The following UNC5C variants were observed in gnomAD, a reference collection of about 807,000 sequenced individuals.
UNC5C encodes the protein netrin receptor UNC5C.
Under a neutral mutation model 99.8 loss-of-function variants are expected in UNC5C, and 47 were observed. The ratio of observed to expected loss-of-function variants is 0.47; its 90% CI spans 0.37 to 0.60. UNC5C has a LOEUF of 0.60. Ranked by LOEUF, UNC5C falls within the 20% of genes least tolerant of loss-of-function variation. The pLI is 0.00. For missense variants in UNC5C, 1,062 were observed against 1,165.9 expected (o/e 0.91, Z 1.30); for synonymous variants, 487 against 452.2 (o/e 1.08, Z -0.98).
At chr4:95,358,528 C>T (rs1272007478) in intron 1 of UNC5C, among the ~76,000 whole-genome samples, 1 of 152,080 alleles carries the variant, frequency 6.6e-6, no homozygotes, top group Non-Finnish European at 1.5e-5. Context: ...CCTCTCCTGC[C>T]CTTAGAAATC....
chr4:95,466,837 C>T (rs1250662258), intron 1 of UNC5C, among the ~76,000 whole-genome samples: 5 of 152,104 alleles, frequency 3.3e-5, no homozygotes, highest in African/African-American at 7.2e-5. Flanking sequence ...TTTGATACGA[C>T]GTCATTTAGC....
intron 1 of UNC5C, among the ~76,000 whole-genome samples, chr4:95,535,251 T>A (rs17024152): frequency 0.67 from 102,248 of 151,794 alleles, 34,750 homozygotes; most frequent in Middle Eastern, 0.79. Flanking sequence ...GTACAAAAAA[T>A]AATGTGATTT....
At chr4:95,194,447 C>T (rs1188274264) in intron 12 of UNC5C, among the ~76,000 whole-genome samples, 2 of 152,150 alleles carry the variant, frequency 1.3e-5, no homozygotes, top group Non-Finnish European at 2.9e-5. Context: ...ACACAGTTCT[C>T]GTTGAGTTAA....
At chr4:95,313,509 T>C (rs1330615704) in intron 2 of UNC5C, among the ~76,000 whole-genome samples, 1 of 152,168 alleles carries the variant, frequency 6.6e-6, no homozygotes, top group Non-Finnish European at 1.5e-5. Flanking sequence ...ATATCCTTAT[T>C]GACCCTCTAA....
chr4:95,246,703 A>G (rs1739514288), intron 5 of UNC5C, among the ~76,000 whole-genome samples: 1 of 151,894 alleles, frequency 6.6e-6, no homozygotes, highest in African/African-American at 2.4e-5. Context: ...TTTAAATTAT[A>G]AAAGATGTAT....
At position 95,325,162 on chromosome 4, in the gene UNC5C, C is replaced by T. The variant is rs556184869; in HGVS notation, c.346+10248G>A. Among the ~76,000 whole-genome samples the T allele has an allele frequency of 9.1e-4, 138 of 152,116 alleles. 1 individual carries two copies. The highest frequency in any genetic ancestry group is 3.2e-3 in the African/African-American group (132 of 41,490). On this transcript the variant is annotated intron_variant, in intron 2 of 15. Coordinates refer to ENST00000453304, the MANE Select transcript of UNC5C (RefSeq NM_003728.4). ...CAAAGCTAGAAAGTTTGATTAGGAG[C>T]CAATTATACTGAAGACTGAAGATAA...
intron 1 of UNC5C, among the ~76,000 whole-genome samples, chr4:95,536,663 T>C (rs2149494529): frequency 6.6e-6 from 1 of 152,204 alleles, no homozygotes; most frequent in African/African-American, 2.4e-5. Context: ...TTTTATGCAA[T>C]ACAAAAGGAA....
In UNC5C at chr4:95,507,457, C is replaced by A. The variant is rs1016768398; in HGVS notation, c.124+41277G>T. On this transcript the variant is annotated intron_variant, in intron 1 of 15. Coordinates refer to ENST00000453304, the MANE Select transcript of UNC5C (RefSeq NM_003728.4). ...CCTTTTTTACAGTGTTGCATGTCAT[C>A]ATTTTAAGGATATTTGTCTACATGG... Among the ~76,000 whole-genome samples the A allele has an allele frequency of 5.3e-5, 8 of 152,142 alleles. No individual in the cohort carries two copies. In the East Asian group the frequency reaches 1.4e-3, roughly 26 times the overall value.
chr4:95,342,229 G>T (rs1440026842), intron 1 of UNC5C, among the ~76,000 whole-genome samples: 1 of 152,100 alleles, frequency 6.6e-6, no homozygotes, highest in Non-Finnish European at 1.5e-5. Context: ...GGGCAGCATG[G>T]CTGACAGCTT....
intron 1 of UNC5C, among the ~76,000 whole-genome samples, chr4:95,416,717 G>A (rs1746175677): frequency 6.6e-6 from 1 of 152,140 alleles, no homozygotes; most frequent in Non-Finnish European, 1.5e-5. Flanking sequence ...ATGTCCACAT[G>A]CCATGTCCAA....
chr4:95,525,778 G>A (rs1722484221), intron 1 of UNC5C, among the ~76,000 whole-genome samples: 1 of 152,000 alleles, frequency 6.6e-6, no homozygotes, highest in African/African-American at 2.4e-5. Context: ...GTCAATTAGT[G>A]ACAATTCCCA....
At chr4:95,329,711 C>G (rs570522509) in intron 2 of UNC5C, among the ~76,000 whole-genome samples, 1 of 152,214 alleles carries the variant, frequency 6.6e-6, no homozygotes. Context: ...TAAAATTAGC[C>G]CTTTGGCTAA....
chr4:95,538,907 C>T (rs1374162793), intron 1 of UNC5C, among the ~76,000 whole-genome samples: 1 of 152,046 alleles, frequency 6.6e-6, no homozygotes, highest in Non-Finnish European at 1.5e-5. Context: ...TATCTTCATC[C>T]ATTTAAATAA....
At chr4:95,274,611 C>T (rs1046133949) in intron 4 of UNC5C, among the ~76,000 whole-genome samples, 2 of 152,060 alleles carry the variant, frequency 1.3e-5, no homozygotes, top group Admixed American at 1.3e-4. Flanking sequence ...TTTCCCTGGG[C>T]CCTGAAAAGA....
chr4:95,530,699 G>A (rs978335276), intron 1 of UNC5C, among the ~76,000 whole-genome samples: 1 of 152,140 alleles, frequency 6.6e-6, no homozygotes, highest in Non-Finnish European at 1.5e-5. Flanking sequence ...TTTATAACAT[G>A]ATTACAAGTT....
chr4:95,400,656 G>A (rs1179388451), intron 1 of UNC5C, among the ~76,000 whole-genome samples: 3 of 152,150 alleles, frequency 2.0e-5, no homozygotes, highest in African/African-American at 7.2e-5. Flanking sequence ...CTCCCAGAGT[G>A]CTGGGATTAC....
chr4:95,175,539 A>C (rs1476903315), intron 14 of UNC5C, among the ~76,000 whole-genome samples: 15 of 152,026 alleles, frequency 9.9e-5, no homozygotes, highest in Non-Finnish European at 4.4e-5. Flanking sequence ...CTGGGTTGAA[A>C]ATTCTTTTCT....
intron 1 of UNC5C, among the ~76,000 whole-genome samples, chr4:95,498,857 T>C (rs1377214848): frequency 6.6e-6 from 1 of 152,084 alleles, no homozygotes; most frequent in African/African-American, 2.4e-5. Flanking sequence ...AATCGCTATT[T>C]CAACTACTGA....
chr4:95,525,663 T>C (rs1242297972), intron 1 of UNC5C, among the ~76,000 whole-genome samples: 1 of 145,294 alleles, frequency 6.9e-6, no homozygotes, highest in African/African-American at 2.6e-5. Context: ...AGATACTGGA[T>C]GTGGAAGTGT....
Sources: allele counts gnomAD v4.1 joint callset (sites outside exome capture counted in the v4.1 genomes callset), GRCh38; gene constraint gnomAD v4.1.1; transcripts MANE v1.5; gene names NCBI Gene and HGNC (gene_info 2026-07-23, HGNC 2026-07-21).